VWA3B: variants seen among roughly 807,000 people sequenced by gnomAD.
The protein encoded by VWA3B is von Willebrand factor A domain containing 3B.
Under a neutral mutation model 158.3 loss-of-function variants are expected in VWA3B, and 138 were observed. That is an observed-to-expected ratio of 0.87 (90% CI 0.76 to 1.00). VWA3B has a LOEUF of 1.00. VWA3B is among the 50% of genes least tolerant of loss of function. VWA3B has a pLI of 0.00. For synonymous variants in VWA3B, 596 were observed against 587.3 expected (o/e 1.01, Z -0.21); for missense variants, 1,555 against 1,565.1 (o/e 0.99, Z 0.11).
At chr2:98,263,624 G>T (rs1687613680) in intron 21 of VWA3B, among the ~76,000 whole-genome samples, 1 of 151,878 alleles carries the variant, frequency 6.6e-6, no homozygotes, top group Non-Finnish European at 1.5e-5. Flanking sequence ...TTAACATGCT[G>T]TTTAATTCAG....
chr2:98,254,019 A>G lies in VWA3B; in HGVS notation c.2793-2105A>G, dbSNP rs1354339801. Among the ~76,000 whole-genome samples, 3 of 152,156 alleles carry G rather than the reference A, an allele frequency of 2.0e-5. 1 individual carries two copies. The highest frequency in any genetic ancestry group is 2.0e-4 in the Admixed American group (3 of 15,276). On this transcript the variant is annotated intron_variant, in intron 20 of 27. Transcript: ENST00000477737. ...AAAGGCTATGAAAATGTGCTCCTGG[A>G]AAAATATTTTCTAAAGAAGTGAATT...
intron 16 of VWA3B, among the ~76,000 whole-genome samples, chr2:98,230,673 G>A (rs906471435): frequency 1.3e-5 from 2 of 151,988 alleles, no homozygotes; most frequent in Non-Finnish European, 2.9e-5. Flanking sequence ...CACCTCCCTT[G>A]CACACCCTTC....
chr2:98,233,309 G>A (rs144508335), intron 16 of VWA3B, among the ~76,000 whole-genome samples: 93 of 152,292 alleles, frequency 6.1e-4, no homozygotes, highest in African/African-American at 1.4e-3. Context: ...TACAGAGTCC[G>A]GGGAGGGGCT....
rs750757526 is a variant in VWA3B, at chr2:98,270,690, C to A, written c.2852C>A (p.Ala951Glu). 1 of 1,613,102 alleles carries A rather than the reference C, an allele frequency of 6.2e-7. No individual in the cohort carries two copies. The highest frequency in any genetic ancestry group is 1.1e-5 in the South Asian group (1 of 90,782). Residue 951 changes from alanine to glutamate, a missense_variant, in exon 22 of 28, where the codon GCA becomes GAA. Transcript: ENST00000477737. ...LSQEEKEKLD[A>E]NKPIQYLENK... ...GTTTCTTTGTTTTTTAGGTTAGATG[C>A]AAACAAACCAATACAGTACTTGGAA...
At chr2:98,202,062 T>A (rs1228447030) in intron 12 of VWA3B, among the ~76,000 whole-genome samples, 1 of 152,190 alleles carries the variant, frequency 6.6e-6, no homozygotes, top group Non-Finnish European at 1.5e-5. Flanking sequence ...TATTCTTTTT[T>A]TCTAAAAAAG....
intron 2 of VWA3B, among the ~76,000 whole-genome samples, chr2:98,105,946 C>T (rs1400354749): frequency 1.3e-5 from 2 of 151,834 alleles, no homozygotes; most frequent in Non-Finnish European, 2.9e-5. Context: ...GACAGAGTCT[C>T]GCTCTGTTGC....
chr2:98,269,037 T>C (rs1365265818), intron 21 of VWA3B, among the ~76,000 whole-genome samples: 2 of 152,094 alleles, frequency 1.3e-5, no homozygotes, highest in East Asian at 3.8e-4. Flanking sequence ...CAAGAATATA[T>C]CTCCATTTCT....
intron 16 of VWA3B, among the ~76,000 whole-genome samples, chr2:98,231,275 A>T (rs1201365889): frequency 6.6e-6 from 1 of 152,260 alleles, no homozygotes; most frequent in Non-Finnish European, 1.5e-5. Flanking sequence ...ATATACAAGC[A>T]TATTCTAAAA....
At chr2:98,298,453 C>T (rs549001990) in intron 24 of VWA3B, among the ~76,000 whole-genome samples, 61 of 130,606 alleles carry the variant, frequency 4.7e-4, no homozygotes, top group South Asian at 1.3e-3. Context: ...TATGCCATGC[C>T]ATGCCATGCC....
chr2:98,093,369 A>T, intron 2 of VWA3B, 81 bp downstream of exon 2: 1 of 1,445,220 alleles, frequency 6.9e-7, no homozygotes, highest in Non-Finnish European at 9.5e-7. Flanking sequence ...AAGGCCCCTC[A>T]AAAACCACAG....
At chr2:98,211,114 C>A (rs1683471345) in intron 12 of VWA3B, among the ~76,000 whole-genome samples, 1 of 152,222 alleles carries the variant, frequency 6.6e-6, no homozygotes, top group African/African-American at 2.4e-5. Context: ...AGGTCCCAAC[C>A]CAGGTTATCC....
At chr2:98,268,755 A>G (rs184172098) in intron 21 of VWA3B, among the ~76,000 whole-genome samples, 167 of 151,846 alleles carry the variant, frequency 1.1e-3, no homozygotes, top group African/African-American at 3.8e-3. Flanking sequence ...TCTGATACCC[A>G]GATTTAAGCA....
chr2:98,301,269 G>A (rs975353633), intron 25 of VWA3B, among the ~76,000 whole-genome samples: 4 of 149,742 alleles, frequency 2.7e-5, no homozygotes, highest in Non-Finnish European at 5.9e-5. Flanking sequence ...CAGCCTGGGC[G>A]ACACAGCAAG....
intron 19 of VWA3B, among the ~76,000 whole-genome samples, chr2:98,237,414 T>G (rs1238159591): frequency 6.6e-6 from 1 of 152,200 alleles, no homozygotes; most frequent in African/African-American, 2.4e-5. Flanking sequence ...TGGCATCTTT[T>G]GTAGCTAAAG....
chr2:98,117,627 G>A (rs1674630611), intron 3 of VWA3B, among the ~76,000 whole-genome samples: 1 of 152,164 alleles, frequency 6.6e-6, no homozygotes, highest in African/African-American at 2.4e-5. Context: ...AGCCTGGAGG[G>A]ATACTGTAAG....
At chr2:98,171,027 G>A (rs745752140) in intron 8 of VWA3B, among the ~76,000 whole-genome samples, 3 of 152,134 alleles carry the variant, frequency 2.0e-5, no homozygotes, top group Non-Finnish European at 2.9e-5. Flanking sequence ...CCTACTCCAC[G>A]GACTGTTAGG....
intron 8 of VWA3B, among the ~76,000 whole-genome samples, chr2:98,174,009 T>C (rs1231951996): frequency 1.3e-5 from 2 of 151,996 alleles, no homozygotes; most frequent in Non-Finnish European, 2.9e-5. Context: ...AACAAATCTA[T>C]TGAGGAATTA....
In VWA3B at chr2:98,125,184, C is replaced by T. The variant is rs1384244182; in HGVS notation, c.703-3055C>T. ...ATGAGGATAACTCCTTTAAGCCAAA[C>T]AATCTCCTGGTCCCAACTTTTGGTC... is the stretch of plus-strand genomic sequence containing the variant. On this transcript the variant is annotated intron_variant, in intron 5 of 27. Coordinates refer to ENST00000477737, the MANE Select transcript of VWA3B (RefSeq NM_144992.5). The surrounding 1 kb of genome is among the most constrained non-coding windows in gnomAD (Gnocchi z 4.1). Among the ~76,000 whole-genome samples, 3 of 152,216 alleles carry T rather than the reference C, an allele frequency of 2.0e-5. No homozygotes were observed. Among genetic ancestry groups the T allele is most frequent in the African/African-American group, 7.2e-5 (3 of 41,462 alleles).
chr2:98,103,273 T>G (rs539345783), intron 2 of VWA3B, among the ~76,000 whole-genome samples: 2 of 152,318 alleles, frequency 1.3e-5, no homozygotes, highest in South Asian at 2.1e-4. Context: ...ATTCTTTGTC[T>G]TCTATTTCAC....
Sources: allele counts gnomAD v4.1 joint callset (sites outside exome capture counted in the v4.1 genomes callset), GRCh38; gene constraint gnomAD v4.1.1; non-coding constraint Gnocchi (gnomAD v3.1); transcripts MANE v1.5; gene names NCBI Gene and HGNC (gene_info 2026-07-23, HGNC 2026-07-21).